Variants in DLG2 observed in about 807,000 individuals in gnomAD.
DLG2 encodes disks large homolog 2.
Under a neutral mutation model 132.5 loss-of-function variants are expected in DLG2, and 45 were observed. The observed-to-expected ratio is 0.34, with a 90% confidence interval of 0.27 to 0.44. The LOEUF (loss-of-function observed/expected upper bound fraction) is 0.44. DLG2 is among the 20% of genes least tolerant of loss of function. DLG2 has a pLI of 1.00. For missense variants in DLG2, 1,045 were observed against 1,196.9 expected (o/e 0.87, Z 1.87); for synonymous variants, 424 against 419.6 (o/e 1.01, Z -0.13).
intron 6 of DLG2, among the ~76,000 whole-genome samples, chr11:84,584,784 G>A (rs1291801073): frequency 7.2e-6 from 1 of 138,308 alleles, no homozygotes; most frequent in Non-Finnish European, 1.5e-5. Context: ...TGCCTCCCGG[G>A]TTCACGCCAT....
chr11:85,191,879 T>G (rs187174207), intron 4 of DLG2, among the ~76,000 whole-genome samples: 77 of 152,342 alleles, frequency 5.1e-4, no homozygotes, highest in African/African-American at 1.8e-3. Flanking sequence ...GAGAGATGGC[T>G]ATTATTATTT....
At chr11:83,764,267 G>C (rs1284514478) in intron 18 of DLG2, among the ~76,000 whole-genome samples, 1 of 152,174 alleles carries the variant, frequency 6.6e-6, no homozygotes, top group African/African-American at 2.4e-5. Context: ...ATGATTGTGA[G>C]ACAGCAGGAG....
At chr11:84,164,611 G>C (rs1274411438) in intron 8 of DLG2, among the ~76,000 whole-genome samples, 2 of 152,218 alleles carry the variant, frequency 1.3e-5, no homozygotes, top group African/African-American at 2.4e-5. Flanking sequence ...GAATGAATGA[G>C]TGACTGAACT....
chr11:84,153,440 G>C (rs144471110), intron 9 of DLG2, among the ~76,000 whole-genome samples: 53 of 152,132 alleles, frequency 3.5e-4, no homozygotes, highest in Non-Finnish European at 6.3e-4. Flanking sequence ...CATTTTCCAA[G>C]TTGTTTACTC....
intron 6 of DLG2, among the ~76,000 whole-genome samples, chr11:84,990,760 C>T (rs1245717234): frequency 6.6e-6 from 1 of 151,572 alleles, no homozygotes; most frequent in Non-Finnish European, 1.5e-5. Context: ...TAATGAGAAT[C>T]TAAAAAGAAA....
chr11:85,147,337 A>G (rs1242719395), intron 5 of DLG2, among the ~76,000 whole-genome samples: 1 of 152,098 alleles, frequency 6.6e-6, no homozygotes, highest in Non-Finnish European at 1.5e-5. Context: ...AGCCATCCTA[A>G]TGAGCGTGAA....
At chr11:83,781,958 C>A (rs1273763323) in intron 18 of DLG2, among the ~76,000 whole-genome samples, 1 of 151,976 alleles carries the variant, frequency 6.6e-6, no homozygotes, top group Non-Finnish European at 1.5e-5. Flanking sequence ...CCTTTTTATT[C>A]ATCAATGGTG....
intron 19 of DLG2, among the ~76,000 whole-genome samples, chr11:83,619,376 T>C (rs1413954647): frequency 6.6e-6 from 1 of 152,176 alleles, no homozygotes; most frequent in Non-Finnish European, 1.5e-5. Context: ...ATCAAATACA[T>C]CTAAGAAAAT....
At chr11:85,513,319 A>G (rs2094114199) in intron 3 of DLG2, among the ~76,000 whole-genome samples, 1 of 152,044 alleles carries the variant, frequency 6.6e-6, no homozygotes, top group Non-Finnish European at 1.5e-5. Context: ...ACAGACCTGC[A>G]TATGTACCCT....
chr11:84,520,935 C>T (rs1455063091), intron 7 of DLG2, among the ~76,000 whole-genome samples: 1 of 152,186 alleles, frequency 6.6e-6, no homozygotes, highest in Non-Finnish European at 1.5e-5. Context: ...CCATGCCTAG[C>T]TCTTATCCCA....
intron 6 of DLG2, among the ~76,000 whole-genome samples, chr11:84,791,861 A>G (rs1409797675): frequency 6.6e-6 from 1 of 152,090 alleles, no homozygotes; most frequent in African/African-American, 2.4e-5. Context: ...CCCATGTAAG[A>G]TTATATCATC....
At chr11:85,493,080 G>A (rs751861310) in intron 3 of DLG2, among the ~76,000 whole-genome samples, 1 of 152,058 alleles carries the variant, frequency 6.6e-6, no homozygotes, top group East Asian at 1.9e-4. Context: ...CTAACTATAA[G>A]TAAAAATATG....
At chr11:85,527,324 G>T (rs11603984) in intron 3 of DLG2, among the ~76,000 whole-genome samples, 25,083 of 151,684 alleles carry the variant, frequency 0.17, 2,311 homozygotes, top group East Asian at 0.28. Flanking sequence ...TTAGGTCTTT[G>T]TCCTAATGCT....
intron 19 of DLG2, among the ~76,000 whole-genome samples, chr11:83,567,110 C>T (rs1349465781): frequency 6.6e-6 from 1 of 152,076 alleles, no homozygotes; most frequent in Non-Finnish European, 1.5e-5. Flanking sequence ...AGGAAGGAGC[C>T]ATCTAATTCT....
At chr11:85,607,590 T>C (rs1322576680) in intron 2 of DLG2, among the ~76,000 whole-genome samples, 5 of 152,214 alleles carry the variant, frequency 3.3e-5, no homozygotes, top group Admixed American at 6.5e-5. Context: ...ATTTCTAGTA[T>C]AAACTCCAGG....
intron 7 of DLG2, among the ~76,000 whole-genome samples, chr11:84,319,333 G>A (rs927281904): frequency 1.3e-5 from 2 of 152,152 alleles, no homozygotes; most frequent in Non-Finnish European, 2.9e-5. Context: ...CTGTACAGTA[G>A]GATTTGATGC....
intron 5 of DLG2, among the ~76,000 whole-genome samples, chr11:85,148,087 T>A (rs1189076835): frequency 6.6e-6 from 1 of 152,308 alleles, no homozygotes; most frequent in South Asian, 2.1e-4. Context: ...ATTATCTCAT[T>A]CCTTTCTATG....
chr11:83,707,781 G>C (rs1356058377), intron 18 of DLG2, among the ~76,000 whole-genome samples: 3 of 152,196 alleles, frequency 2.0e-5, no homozygotes, highest in Admixed American at 1.3e-4. Flanking sequence ...GTTCTTGAAA[G>C]CAGGAACCCT....
At chr11:84,957,960 G>A (rs1403362688) in intron 6 of DLG2, among the ~76,000 whole-genome samples, 1 of 152,144 alleles carries the variant, frequency 6.6e-6, no homozygotes, top group African/African-American at 2.4e-5. Context: ...AGGGTATTAA[G>A]CTTTGAAATG....
Sources: gnomAD v4.1 joint callset for allele counts (sites outside exome capture counted in the v4.1 genomes callset) on GRCh38, gnomAD v4.1.1 for gene constraint, MANE v1.5 for transcripts, NCBI Gene and HGNC (gene_info 2026-07-23, HGNC 2026-07-21) for gene names.